Variants in PCDHA11 observed in about 807,000 individuals in gnomAD.
The protein encoded by PCDHA11 is protocadherin alpha-11.
PCDHA11 carries 61 observed loss-of-function variants against 70.3 expected under a neutral mutation model. That is an observed-to-expected ratio of 0.87 (90% CI 0.71 to 1.07). The LOEUF (loss-of-function observed/expected upper bound fraction) is 1.07, where lower values mean the gene tolerates loss of function less well. PCDHA11 is among the 50% of genes least tolerant of loss of function. The pLI is 0.00. For missense variants in PCDHA11, 1,324 were observed against 1,237.5 expected (o/e 1.07, Z -1.05); for synonymous variants, 633 against 555.1 (o/e 1.14, Z -1.97).
At chr5:140,980,515 A>G (rs779201653) in intron 2 of PCDHA11, among the ~76,000 whole-genome samples, 18 of 152,182 alleles carry the variant, frequency 1.2e-4, no homozygotes, top group Non-Finnish European at 2.5e-4. Flanking sequence ...CTGTAGTTCC[A>G]GCTACTAGGG....
intron 3 of PCDHA11, among the ~76,000 whole-genome samples, chr5:141,008,922 G>A (rs34518527): frequency 0.052 from 7,924 of 152,178 alleles, 248 homozygotes; most frequent in South Asian, 0.11. Flanking sequence ...AATTTATTCA[G>A]CTAATTTTTC....
rs782520778 is a variant in PCDHA11 at position 140,870,052 on chromosome 5, A to G, written c.949A>G (p.Ile317Val). The change falls in exon 1 of 4, where the codon ATT becomes GTT. Residue 317 changes from isoleucine (I) to valine (V), a missense_variant. Coordinates refer to ENST00000398640, the MANE Select transcript of PCDHA11 (RefSeq NM_018902.5). Reference sequence around the variant, plus strand: ...TTATGAAGAAAACAAGTTTTATAAAATTGAAGTACAGGCTACAGATAAGGG... The same window carrying G: ...TTATGAAGAAAACAAGTTTTATAAAGTTGAAGTACAGGCTACAGATAAGGG... The part of the protein sequence containing the change: ...LDYEENKFYK[I>V]EVQATDKGTP... The G allele has an allele frequency of 4.3e-6, 7 of 1,613,830 alleles. No individual in the cohort carries two copies. The highest frequency in any genetic ancestry group is 5.1e-6 in the Non-Finnish European group (6 of 1,179,886).
chr5:140,921,151 A>AT (rs11299094), intron 1 of PCDHA11, among the ~76,000 whole-genome samples: 2 of 151,512 alleles, frequency 1.3e-5, no homozygotes. Context: ...CAGCTAATGC[A>AT]TTTTTTTTTT....
chr5:140,929,698 G>A (rs2086308201), intron 1 of PCDHA11: 1 of 263,620 alleles, frequency 3.8e-6, no homozygotes, highest in Non-Finnish European at 7.5e-6. Flanking sequence ...TGCTTTATAT[G>A]AATATAATAT....
rs370156477 is a variant in PCDHA11 at position 140,876,942 on chromosome 5, G to A, written c.2391+5448G>A. The A allele has an allele frequency of 2.2e-5, 35 of 1,613,660 alleles. 1 individual carries two copies. In the African/African-American group the frequency reaches 4.4e-4, roughly 20 times the overall value. On this transcript the variant is annotated intron_variant, in intron 1 of 3. Transcript: ENST00000398640. ...CGGACGCGCAGAAGAACGCGCTGGT[G>A]TCCTACTCGCTGGTGGAGCGGCGGG...
rs2098419589 is a variant in PCDHA11 at position 141,011,142 on chromosome 5, C to A, written c.*1205C>A. 1 of 153,660 alleles carries A rather than the reference C, an allele frequency of 6.5e-6. No individual in the cohort carries two copies. The highest frequency in any genetic ancestry group is 2.1e-4 in the South Asian group (1 of 4,820). 9.5% of individuals were successfully genotyped at this position (153,660 alleles called of 1,614,324 possible). On this transcript the variant is annotated 3_prime_UTR_variant, in exon 4 of 4. Transcript: ENST00000398640. ...CAATTATGTGCACTTTGATACACAA[C>A]CTTCTCTAACCAACTATATATCAAG...
At chr5:141,008,961 A>G (rs2098395078) in intron 3 of PCDHA11, among the ~76,000 whole-genome samples, 1 of 152,214 alleles carries the variant, frequency 6.6e-6, no homozygotes, top group Non-Finnish European at 1.5e-5. Context: ...ACATCCTAAT[A>G]CATTTATAGC....
rs1554174531 is a variant in PCDHA11 at position 140,882,554 on chromosome 5, T to G, written c.2391+11060T>G. On this transcript the variant is annotated intron_variant, in intron 1 of 3. Transcript: ENST00000398640. ...TTCTCGGATCGACCGCGAGGAGCTG[T>G]GTGGGCGGAGCGCGGAGTGCAGCAT... is the stretch of plus-strand genomic sequence containing the variant. 1.9e-6 allele frequency: 3 copies of G among 1,614,174 alleles called. No homozygotes were observed. The South Asian group carries it at 3.3e-5, about 18-fold the overall frequency.
At chr5:140,942,663 A>G (rs2153659608) in intron 1 of PCDHA11, among the ~76,000 whole-genome samples, 1 of 152,294 alleles carries the variant, frequency 6.6e-6, no homozygotes, top group African/African-American at 2.4e-5. Context: ...AAAAGCAATA[A>G]GCACAAAAGT....
At chr5:141,008,108 T>C (rs2098361480) in intron 3 of PCDHA11, among the ~76,000 whole-genome samples, 1 of 152,138 alleles carries the variant, frequency 6.6e-6, no homozygotes, top group Non-Finnish European at 1.5e-5. Flanking sequence ...CTCATGAGAA[T>C]AAGTGTTTCA....
intron 2 of PCDHA11, among the ~76,000 whole-genome samples, chr5:140,980,472 A>G (rs782408123): frequency 6.6e-6 from 1 of 152,210 alleles, no homozygotes; most frequent in Non-Finnish European, 1.5e-5. Context: ...TCTACTAAAA[A>G]TACAAAAATT....
At chr5:140,919,552 T>C (rs2079193484) in intron 1 of PCDHA11, among the ~76,000 whole-genome samples, 1 of 152,224 alleles carries the variant, frequency 6.6e-6, no homozygotes, top group South Asian at 2.1e-4. Context: ...ATTTACTGAT[T>C]TATATTAAGT....
chr5:140,967,147 C>A (rs782815903), intron 1 of PCDHA11: 7 of 1,611,068 alleles, frequency 4.3e-6, no homozygotes, highest in South Asian at 2.2e-5. Flanking sequence ...TGGCGCACAA[C>A]CCCGTGGCGG....
intron 3 of PCDHA11, among the ~76,000 whole-genome samples, chr5:140,988,745 G>A (rs943188955): frequency 3.9e-5 from 6 of 152,152 alleles, no homozygotes; most frequent in Non-Finnish European, 5.9e-5. Flanking sequence ...TCTAGGATTG[G>A]TGGCCTGGGC....
At chr5:140,990,109 T>C (rs2097374572) in intron 3 of PCDHA11, among the ~76,000 whole-genome samples, 1 of 151,886 alleles carries the variant, frequency 6.6e-6, no homozygotes, top group African/African-American at 2.4e-5. Context: ...AAACAGGAAA[T>C]TGAGAGCTCT....
At chr5:140,946,826 G>A (rs1161316537) in intron 1 of PCDHA11, among the ~76,000 whole-genome samples, 1 of 151,404 alleles carries the variant, frequency 6.6e-6, no homozygotes, top group African/African-American at 2.4e-5. Context: ...TACCAGAGAT[G>A]GGTAGGGCAG....
intron 1 of PCDHA11, among the ~76,000 whole-genome samples, chr5:140,873,882 A>G (rs1311106784): frequency 6.6e-6 from 1 of 152,152 alleles, no homozygotes; most frequent in Non-Finnish European, 1.5e-5. Context: ...GCTGGTCTTG[A>G]ACTCCTGACC....
intron 1 of PCDHA11, among the ~76,000 whole-genome samples, chr5:140,947,229 G>GA (rs201242412): frequency 9.4e-5 from 14 of 148,904 alleles, no homozygotes; most frequent in South Asian, 2.1e-4. Context: ...TTTATGACAG[G>GA]AAAAAAAAAT....
chr5:140,983,897 G>A (rs155365), intron 3 of PCDHA11, among the ~76,000 whole-genome samples: 149,305 of 152,360 alleles, frequency 0.98, 73,183 homozygotes, highest in Middle Eastern at 1. Flanking sequence ...AAGGGCATTC[G>A]TTGATTCTAA....
Sources: allele counts gnomAD v4.1 joint callset (sites outside exome capture counted in the v4.1 genomes callset), GRCh38; gene constraint gnomAD v4.1.1; transcripts MANE v1.5; gene names NCBI Gene and HGNC (gene_info 2026-07-23, HGNC 2026-07-21).